The following FOXP1 variants were observed in gnomAD, a reference collection of about 807,000 sequenced individuals.
FOXP1 encodes the protein forkhead box P1, also known as forkhead box protein P1.
A neutral mutation model predicts 98.2 loss-of-function variants in FOXP1; 15 were observed. The ratio of observed to expected loss-of-function variants is 0.15; its 90% confidence interval spans 0.10 to 0.24. The LOEUF is 0.24. FOXP1 is among the 10% of genes least tolerant of loss of function. The probability of loss-of-function intolerance (pLI) is 1.00; values close to 1 mark genes in which losing one functional copy is unlikely to be tolerated. For synonymous variants in FOXP1, 371 were observed against 314.5 expected (o/e 1.18, Z -1.90); for missense variants, 633 against 848.5 (o/e 0.75, Z 3.15).
intron 3 of FOXP1, among the ~76,000 whole-genome samples, chr3:71,397,906 C>T (rs1274509986): frequency 1.3e-5 from 2 of 151,752 alleles, no homozygotes; most frequent in South Asian, 2.1e-4. Flanking sequence ...TACAGGGATG[C>T]AAGGGAAGGA....
chr3:70,963,598 C>G (rs570448480), intron 20 of FOXP1, among the ~76,000 whole-genome samples: 91 of 152,264 alleles, frequency 6.0e-4, no homozygotes, highest in Non-Finnish European at 1.1e-3. Context: ...TAACTGTGTG[C>G]AAAACCACAC....
intron 12 of FOXP1, among the ~76,000 whole-genome samples, chr3:71,001,693 G>T (rs1386235054): frequency 6.6e-6 from 1 of 152,152 alleles, no homozygotes; most frequent in East Asian, 1.9e-4. Context: ...GATGATTCAG[G>T]CCACATGCTG....
chr3:71,288,131 C>T (rs1462607263), intron 5 of FOXP1, among the ~76,000 whole-genome samples: 2 of 152,140 alleles, frequency 1.3e-5, no homozygotes, highest in Admixed American at 6.5e-5. Flanking sequence ...CTGCCCGTCT[C>T]GGCCTCCCAA....
chr3:71,496,259 C>T (rs2091399690), intron 2 of FOXP1, among the ~76,000 whole-genome samples: 2 of 152,162 alleles, frequency 1.3e-5, no homozygotes, highest in South Asian at 4.1e-4. Flanking sequence ...ACGGGTGACA[C>T]AGAAAAGCAC....
Position 71,568,652 on chromosome 3 carries a change from TC to T in FOXP1, c.-298+12896del, listed in dbSNP as rs1313032125. Among the ~76,000 whole-genome samples the T allele has an allele frequency of 4.3e-4, 44 of 101,394 alleles. No individual in the cohort carries two copies. The East Asian group carries it at 7.0e-3, about 16-fold the overall frequency. The allele number at this position is 101,394 out of a possible 152,430, so 66.5% of individuals were successfully genotyped here. A position where few individuals can be genotyped will look rare whatever the true frequency, so the allele number is the denominator to read the frequency against. On this transcript the variant is annotated intron_variant, in intron 2 of 20. Transcript: ENST00000649528. ...TTTTGTTTGTTCCCTGAATTTTTTTTCTTTTTTTTTTTCTGAGACAGTCTCA... is the reference window on the plus strand; with the variant it reads ...TTTTGTTTGTTCCCTGAATTTTTTTTTTTTTTTTTTTCTGAGACAGTCTCA...
chr3:71,274,986 G>A (rs983328502), intron 5 of FOXP1, among the ~76,000 whole-genome samples: 1 of 152,168 alleles, frequency 6.6e-6, no homozygotes, highest in African/African-American at 2.4e-5. Flanking sequence ...CACCAAAGAG[G>A]TAAGCAAGAA....
chr3:71,303,380 T>C (rs1046244362), intron 4 of FOXP1, among the ~76,000 whole-genome samples: 1 of 152,164 alleles, frequency 6.6e-6, no homozygotes, highest in Non-Finnish European at 1.5e-5. Flanking sequence ...AGTAGGTCTA[T>C]GGCTAGAGGA....
chr3:71,378,277 G>A (rs763157404), intron 3 of FOXP1, among the ~76,000 whole-genome samples: 14 of 152,030 alleles, frequency 9.2e-5, no homozygotes, highest in Admixed American at 3.9e-4. Context: ...TACCAAAGAA[G>A]GTACCGCTGG....
At chr3:71,348,341 CA>C (rs2077502479) in intron 4 of FOXP1, among the ~76,000 whole-genome samples, 1 of 152,078 alleles carries the variant, frequency 6.6e-6, no homozygotes, top group African/African-American at 2.4e-5. Flanking sequence ...TCATGAACTC[CA>C]TTTATTCCAA....
intron 5 of FOXP1, among the ~76,000 whole-genome samples, chr3:71,201,950 G>A (rs1005770310): frequency 1.3e-5 from 2 of 152,220 alleles, no homozygotes; most frequent in African/African-American, 4.8e-5. Flanking sequence ...CTGTCCTGAT[G>A]GAAGAGAACT....
At chr3:71,504,969 G>A (rs2107241088) in intron 2 of FOXP1, among the ~76,000 whole-genome samples, 1 of 152,234 alleles carries the variant, frequency 6.6e-6, no homozygotes, top group Non-Finnish European at 1.5e-5. Flanking sequence ...AAGAGTAAAT[G>A]CTATTATCTT....
intron 7 of FOXP1, among the ~76,000 whole-genome samples, chr3:71,081,031 C>G (rs1214149735): frequency 6.6e-6 from 1 of 152,198 alleles, no homozygotes; most frequent in Non-Finnish European, 1.5e-5. Flanking sequence ...GGATTTGCAA[C>G]TCTGAAAGTG....
At chr3:71,241,118 G>C (rs2067240921) in intron 5 of FOXP1, among the ~76,000 whole-genome samples, 1 of 151,708 alleles carries the variant, frequency 6.6e-6, no homozygotes, top group Non-Finnish European at 1.5e-5. Context: ...GCTGAGGCAG[G>C]AGACTAGCTT....
chr3:71,580,324 TG>T lies in FOXP1; in HGVS notation c.-298+1224del, dbSNP rs544806890. Among the ~76,000 whole-genome samples the T allele has an allele frequency of 1.3e-3, 193 of 151,844 alleles. 1 individual carries two copies. Among genetic ancestry groups the T allele is most frequent in the Non-Finnish European group, 2.4e-3 (164 of 67,986 alleles). ...GAGATTTTAGCTGACACCTTTTGAA[TG>T]GTAACTAGTTGAGTTCCTTTTTTAT... is the stretch of plus-strand genomic sequence containing the variant. On this transcript the variant is annotated intron_variant, in intron 2 of 20. Coordinates refer to ENST00000649528, the MANE Select transcript of FOXP1 (RefSeq NM_001349338.3).
intron 6 of FOXP1, among the ~76,000 whole-genome samples, chr3:71,184,162 A>G (rs941963995): frequency 6.6e-6 from 1 of 152,134 alleles, no homozygotes; most frequent in African/African-American, 2.4e-5. Context: ...AAAACAAACA[A>G]ACAAACAAAA....
Position 71,160,773 on chromosome 3 carries a change from G to A in FOXP1, c.180+37429C>T, listed in dbSNP as rs72951362. On this transcript the variant is annotated intron_variant, in intron 6 of 20. Transcript: ENST00000649528. The stretch of plus-strand genomic sequence containing the variant: ...CATCTGTTCTAGAATACTGAAGGCT[G>A]AGACTTGAAAAATCAGCCAGATAAT... Among the ~76,000 whole-genome samples, 310 of 152,296 alleles carry A rather than the reference G, an allele frequency of 2.0e-3. 1 individual carries two copies. Among genetic ancestry groups the A allele is most frequent in the African/African-American group, 7.0e-3 (289 of 41,564 alleles).
intron 2 of FOXP1, among the ~76,000 whole-genome samples, chr3:71,553,562 T>C (rs1398790688): frequency 1.3e-5 from 2 of 152,208 alleles, no homozygotes; most frequent in Non-Finnish European, 2.9e-5. Context: ...ATGGTAATAT[T>C]GTCCTGTTTG....
intron 3 of FOXP1, among the ~76,000 whole-genome samples, chr3:71,452,680 G>A (rs1329878576): frequency 6.6e-6 from 1 of 152,186 alleles, no homozygotes; most frequent in Non-Finnish European, 1.5e-5. Context: ...TGGTCACAGA[G>A]CAGGAGTGCC....
chr3:70,964,306 A>T (rs1300728933), intron 20 of FOXP1, among the ~76,000 whole-genome samples: 6 of 152,232 alleles, frequency 3.9e-5, no homozygotes, highest in Non-Finnish European at 7.3e-5. Context: ...AATTTGTTAA[A>T]CAAATTAACC....
Sources: gnomAD v4.1 joint callset for allele counts (sites outside exome capture counted in the v4.1 genomes callset) on GRCh38, gnomAD v4.1.1 for gene constraint, MANE v1.5 for transcripts, NCBI Gene and HGNC (gene_info 2026-07-23, HGNC 2026-07-21) for gene names.